The following ERBB4 variants were observed in gnomAD, a reference collection of about 807,000 sequenced individuals.
ERBB4 encodes the protein receptor tyrosine-protein kinase erbB-4.
In ERBB4, 42 loss-of-function variants were observed where a neutral mutation model predicts 158.0. The ratio of observed to expected loss-of-function variants is 0.27; its 90% confidence interval spans 0.21 to 0.34. ERBB4 has a LOEUF of 0.34. Among genes scored for constraint, ERBB4 ranks in the 10% least tolerant of loss-of-function variants. The pLI is 1.00. For synonymous variants in ERBB4, 583 were observed against 558.7 expected, an observed-to-expected ratio of 1.04 and a Z score of -0.61; for missense variants, 1,333 against 1,624.1, an observed-to-expected ratio of 0.82 and a Z score of 3.08.
chr2:211,445,874 A>G (rs1000764911), intron 20 of ERBB4, among the ~76,000 whole-genome samples: 1 of 152,164 alleles, frequency 6.6e-6, no homozygotes, highest in Non-Finnish European at 1.5e-5. Flanking sequence ...CCAGTGAGTC[A>G]GGAGATTGAT....
intron 2 of ERBB4, among the ~76,000 whole-genome samples, chr2:212,112,827 T>C (rs2888042): frequency 0.41 from 63,074 of 152,108 alleles, 15,512 homozygotes; most frequent in Non-Finnish European, 0.55. Context: ...AGGAAGCTTA[T>C]AAATACTGTT....
At chr2:211,602,627 T>A (rs1205486069) in intron 19 of ERBB4, among the ~76,000 whole-genome samples, 4 of 152,132 alleles carry the variant, frequency 2.6e-5, no homozygotes, top group African/African-American at 7.2e-5. Context: ...AAAGTATCCT[T>A]ACATAGTACA....
chr2:211,962,043 T>C (rs2081193237), intron 2 of ERBB4, among the ~76,000 whole-genome samples: 1 of 152,098 alleles, frequency 6.6e-6, no homozygotes, highest in Non-Finnish European at 1.5e-5. Context: ...GTGGGGTTTC[T>C]GGGGTGGGTA....
intron 1 of ERBB4, among the ~76,000 whole-genome samples, chr2:212,475,326 G>A (rs768343901): frequency 6.6e-6 from 1 of 152,076 alleles, no homozygotes; most frequent in African/African-American, 2.4e-5. Context: ...TTTCTTGCAC[G>A]AGGCCCTGCA....
chr2:211,793,696 G>T (rs1484139011), intron 3 of ERBB4, among the ~76,000 whole-genome samples: 2 of 151,852 alleles, frequency 1.3e-5, no homozygotes, highest in East Asian at 3.9e-4. Context: ...CATGATCTCT[G>T]GAATGGACTT....
At chr2:211,521,043 T>C (rs988571441) in intron 20 of ERBB4, among the ~76,000 whole-genome samples, 2 of 152,268 alleles carry the variant, frequency 1.3e-5, no homozygotes, top group African/African-American at 4.8e-5. Flanking sequence ...GTTAAAATTA[T>C]GCCAATTAAT....
At chr2:211,798,144 C>T (rs1000520246) in intron 3 of ERBB4, among the ~76,000 whole-genome samples, 1 of 151,882 alleles carries the variant, frequency 6.6e-6, no homozygotes, top group Non-Finnish European at 1.5e-5. Flanking sequence ...CTGCTTCATT[C>T]CAGTCAATAC....
chr2:211,779,920 C>T lies in ERBB4; in HGVS notation c.556+8105G>A, dbSNP rs2075992519. Among the ~76,000 whole-genome samples the T allele has an allele frequency of 2.0e-5, 3 of 152,132 alleles. No individual in the cohort carries two copies. In the South Asian group the frequency reaches 6.2e-4, roughly 32 times the overall value. ...AACCCTATATGTCTCAATGGCTCAT[C>T]CAGTTCAATTAGGCCTTCAAAATGC... On this transcript the variant is annotated intron_variant, in intron 4 of 27. Transcript: ENST00000342788.
chr2:211,442,404 AT>A (rs2064002022), intron 20 of ERBB4, among the ~76,000 whole-genome samples: 5 of 152,056 alleles, frequency 3.3e-5, no homozygotes, highest in Middle Eastern at 3.4e-3. Flanking sequence ...CCATCCATCC[AT>A]CCATCCATCC....
intron 4 of ERBB4, among the ~76,000 whole-genome samples, chr2:211,773,595 AC>A (rs2075770364): frequency 2.4e-5 from 1 of 41,868 alleles, no homozygotes; most frequent in Admixed American, 4.3e-4. Flanking sequence ...TACTTCTGTA[AC>A]TTTATATATA....
At chr2:211,769,376 T>C (rs2075635307) in intron 4 of ERBB4, among the ~76,000 whole-genome samples, 2 of 152,202 alleles carry the variant, frequency 1.3e-5, no homozygotes, top group Non-Finnish European at 2.9e-5. Flanking sequence ...AAACAATCTC[T>C]GCCTGTTGTC....
chr2:211,771,216 C>T (rs2075683231), intron 4 of ERBB4, among the ~76,000 whole-genome samples: 1 of 152,224 alleles, frequency 6.6e-6, no homozygotes, highest in South Asian at 2.1e-4. Flanking sequence ...AAACCTTAAT[C>T]TAGTTACCTG....
intron 12 of ERBB4, among the ~76,000 whole-genome samples, chr2:211,697,954 A>G (rs1212544852): frequency 6.6e-6 from 1 of 152,176 alleles, no homozygotes; most frequent in Non-Finnish European, 1.5e-5. Context: ...ATGATATAAA[A>G]ATGGAAAATA....
chr2:212,237,266 G>C (rs1420964042), intron 1 of ERBB4, among the ~76,000 whole-genome samples: 3 of 152,116 alleles, frequency 2.0e-5, no homozygotes, highest in Non-Finnish European at 4.4e-5. Flanking sequence ...TTTTTGTGCG[G>C]ACATCCTTTT....
rs115133397 is a variant in ERBB4, at chr2:212,122,226, C to G, written c.234+2526G>C. 3.9e-3 allele frequency among the ~76,000 whole-genome samples: 589 copies of G among 151,928 alleles called. 6 individuals are homozygous for G. The highest frequency in any genetic ancestry group is 0.014 in the African/African-American group (561 of 41,482). On this transcript the variant is annotated intron_variant, in intron 2 of 27. Coordinates refer to ENST00000342788, the MANE Select transcript of ERBB4 (RefSeq NM_005235.3). ...TACTTATATATTACATATCTGTCAT[C>G]CTCAACATGATTGTTGAAGCCAAGG...
intron 1 of ERBB4, among the ~76,000 whole-genome samples, chr2:212,393,446 A>G (rs1454419203): frequency 3.3e-5 from 5 of 152,062 alleles, no homozygotes; most frequent in Non-Finnish European, 7.4e-5. Flanking sequence ...ATATAATAAT[A>G]ACATATGAAA....
intron 19 of ERBB4, among the ~76,000 whole-genome samples, chr2:211,601,701 A>G (rs2068806242): frequency 6.6e-6 from 1 of 152,154 alleles, no homozygotes; most frequent in Admixed American, 6.5e-5. Context: ...TTTCATACCC[A>G]GGCAAACTAT....
In ERBB4 at chr2:211,673,528, A is replaced by AAAAAAAAAAAAAAAAAAAAAAAAG. The variant is rs1432231391; in HGVS notation, c.1623-272_1623-271insCTTTTTTTTTTTTTTTTTTTTTTT. The stretch of plus-strand genomic sequence containing the variant: ...TATTCCAGCAATCTCAAAAAAAAAA[A>AAAAAAAAAAAAAAAAAAAAAAAAG]AAGCTACAAAGTATAACTCTTCTGA... On this transcript the variant is annotated intron_variant, in intron 13 of 27. Transcript: ENST00000342788. Among the ~76,000 whole-genome samples the AAAAAAAAAAAAAAAAAAAAAAAAG allele has an allele frequency of 7.3e-5, 11 of 149,872 alleles. No homozygotes were observed. In the South Asian group the frequency reaches 2.4e-3, roughly 32 times the overall value.
At chr2:212,276,236 G>A (rs1276902165) in intron 1 of ERBB4, among the ~76,000 whole-genome samples, 3 of 151,672 alleles carry the variant, frequency 2.0e-5, no homozygotes, top group Admixed American at 6.6e-5. Context: ...TAGTCAAAAA[G>A]GATTTTTAAT....
Sources: allele counts gnomAD v4.1 joint callset (sites outside exome capture counted in the v4.1 genomes callset), GRCh38; gene constraint gnomAD v4.1.1; transcripts MANE v1.5; gene names NCBI Gene and HGNC (gene_info 2026-07-23, HGNC 2026-07-21).